The following MCMDC2 variants were observed in gnomAD, a reference collection of about 807,000 sequenced individuals.
MCMDC2 encodes the protein minichromosome maintenance domain containing 2, also known as minichromosome maintenance domain-containing protein 2.
A neutral mutation model predicts 75.8 loss-of-function variants in MCMDC2; 54 were observed. The observed-to-expected ratio is 0.71, with a 90% CI of 0.57 to 0.89. MCMDC2 has a LOEUF of 0.89. Ranked by LOEUF, MCMDC2 falls within the 40% of genes least tolerant of loss-of-function variation. MCMDC2 has a pLI of 0.00. For missense variants in MCMDC2, 656 were observed against 780.4 expected (o/e 0.84, Z 1.90); for synonymous variants, 249 against 274.6 (o/e 0.91, Z 0.92).
At chr8:66,898,500 T>C (rs1260595728) in intron 12 of MCMDC2, among the ~76,000 whole-genome samples, 4 of 151,712 alleles carry the variant, frequency 2.6e-5, no homozygotes, top group Non-Finnish European at 5.9e-5. Flanking sequence ...GGCGCATGCC[T>C]GTAATCCCAG....
chr8:66,894,946 C>G (rs1484880133), intron 10 of MCMDC2, among the ~76,000 whole-genome samples: 1 of 152,230 alleles, frequency 6.6e-6, no homozygotes, highest in Non-Finnish European at 1.5e-5. Context: ...CTGGCAAACA[C>G]TATTTGCTTT....
intron 12 of MCMDC2, among the ~76,000 whole-genome samples, chr8:66,897,842 C>G (rs1400796208): frequency 6.6e-6 from 1 of 152,124 alleles, no homozygotes; most frequent in Non-Finnish European, 1.5e-5. Context: ...CAACTGAAAC[C>G]TTTTTAACTA....
intron 10 of MCMDC2, among the ~76,000 whole-genome samples, chr8:66,894,680 A>T (rs1156805400): frequency 6.6e-6 from 1 of 152,242 alleles, no homozygotes; most frequent in African/African-American, 2.4e-5. Flanking sequence ...ATTTATGTCA[A>T]TATAAAATTT....
At chr8:66,897,636 T>C (rs1812423285) in intron 12 of MCMDC2, among the ~76,000 whole-genome samples, 1 of 152,210 alleles carries the variant, frequency 6.6e-6, no homozygotes, top group Admixed American at 6.5e-5. Flanking sequence ...CATTTTACTG[T>C]CTATTCAAAG....
chr8:66,879,767 C>A (rs1309655765), intron 7 of MCMDC2, among the ~76,000 whole-genome samples: 3 of 152,094 alleles, frequency 2.0e-5, no homozygotes, highest in African/African-American at 7.2e-5. Context: ...ATATTAGGAC[C>A]TAATGTGTCC....
At chr8:66,880,282 A>C (rs1811497299) in intron 7 of MCMDC2, among the ~76,000 whole-genome samples, 1 of 152,196 alleles carries the variant, frequency 6.6e-6, no homozygotes, top group South Asian at 2.1e-4. Flanking sequence ...TAATCCCAAC[A>C]CTTTAGGAGG....
Position 66,880,905 on chromosome 8 carries a change from A to T in MCMDC2, c.766A>T (p.Thr256Ser), listed in dbSNP as rs760279097. Residue 256 changes from threonine to serine, a missense_variant, in exon 8 of 15, where the codon ACC becomes TCC. Coordinates refer to ENST00000422365, the MANE Select transcript of MCMDC2 (RefSeq NM_173518.5). ...TGAATATAAAATTATTGGAATTCCA[A>T]CCTGTGTAAAAACCTCACAAACTGC... The part of the protein sequence containing the change: ...GNEYKIIGIP[T>S]CVKTSQTAVC... The T allele has an allele frequency of 4.5e-6, 7 of 1,570,522 alleles. No homozygotes were observed. In the East Asian group the frequency reaches 1.2e-4, roughly 26 times the overall value.
intron 10 of MCMDC2, among the ~76,000 whole-genome samples, chr8:66,894,693 A>G (rs1449580219): frequency 1.3e-5 from 2 of 152,180 alleles, no homozygotes; most frequent in African/African-American, 4.8e-5. Flanking sequence ...TAAAATTTTA[A>G]TTTTTCTTTA....
chr8:66,922,448 T>C (rs752349743), downstream of MCMDC2: 1 of 514,550 alleles, frequency 1.9e-6, no homozygotes, highest in Non-Finnish European at 3.9e-6. Flanking sequence ...TACATGTCAG[T>C]AATTAATCAA....
At chr8:66,876,578 A>G (rs900741589) in intron 4 of MCMDC2, among the ~76,000 whole-genome samples, 4 of 152,008 alleles carry the variant, frequency 2.6e-5, no homozygotes, top group African/African-American at 4.8e-5. Context: ...CCCCAAGTCC[A>G]TCTGCTATAT....
intron 12 of MCMDC2, among the ~76,000 whole-genome samples, chr8:66,899,531 C>T (rs1812531173): frequency 1.3e-5 from 2 of 152,050 alleles, no homozygotes; most frequent in African/African-American, 2.4e-5. Context: ...TTCTCTCGCT[C>T]TGTTACCAGG....
intron 14 of MCMDC2, among the ~76,000 whole-genome samples, chr8:66,918,054 C>CT (rs970763527): frequency 6.6e-6 from 1 of 152,012 alleles, no homozygotes; most frequent in African/African-American, 2.4e-5. Flanking sequence ...CACATCCTCT[C>CT]TAACACTTGT....
At chr8:66,918,979 C>T (rs117270636) in intron 14 of MCMDC2, 24 bp from the exon 15 acceptor site, 15,346 of 1,426,516 alleles carry the variant, frequency 0.011, 95 homozygotes, top group Non-Finnish European at 0.012. Flanking sequence ...TTGTCATTTA[C>T]ACTCTATTAT....
chr8:66,880,785 C>T, intron 7 of MCMDC2, 64 bp from the exon 8 acceptor site: 1 of 1,359,380 alleles, frequency 7.4e-7, no homozygotes. Context: ...ATCTTTGAAC[C>T]ATATGTTCAT....
In MCMDC2 at chr8:66,877,586, T is replaced by C. The variant is rs764765364; in HGVS notation, c.481+42T>C. ...AAAATCAAAGCATTAAGCAATTGGC[T>C]AGGCATGGTGGCTCACACCTGTAAT... On this transcript the variant is annotated intron_variant, in intron 5 of 14. Coordinates refer to ENST00000422365, the MANE Select transcript of MCMDC2 (RefSeq NM_173518.5). 6.9e-6 allele frequency: 10 copies of C among 1,454,196 alleles called. No homozygotes were observed. In the African/African-American group the frequency reaches 1.0e-4, roughly 15 times the overall value. The allele number at this position is 1,454,196 out of a possible 1,614,324, so 90.1% of individuals were successfully genotyped here.
chr8:66,898,610 G>A (rs1453553864), intron 12 of MCMDC2, among the ~76,000 whole-genome samples: 2 of 132,456 alleles, frequency 1.5e-5, no homozygotes, highest in Non-Finnish European at 3.1e-5. Context: ...GGCGACAAGA[G>A]CAAAACTCCG....
chr8:66,893,657 C>T (rs1482915617), intron 10 of MCMDC2, among the ~76,000 whole-genome samples: 1 of 152,156 alleles, frequency 6.6e-6, no homozygotes, highest in Non-Finnish European at 1.5e-5. Context: ...CCACCAGGCC[C>T]CTCCCACAAC....
At chr8:66,874,941 A>C (rs879930781) in intron 4 of MCMDC2, among the ~76,000 whole-genome samples, 1 of 151,948 alleles carries the variant, frequency 6.6e-6, no homozygotes, top group Admixed American at 6.6e-5. Flanking sequence ...TTTTTAGTAG[A>C]GACAGGGTTT....
downstream of MCMDC2, chr8:66,926,250 C>T (rs535643211): frequency 6.6e-6 from 1 of 152,220 alleles, no homozygotes; most frequent in Non-Finnish European, 1.5e-5. Flanking sequence ...CTTATTACTT[C>T]TGTTTTTCTC....
Sources: allele counts gnomAD v4.1 joint callset (sites outside exome capture counted in the v4.1 genomes callset), GRCh38; gene constraint gnomAD v4.1.1; transcripts MANE v1.5; gene names NCBI Gene and HGNC (gene_info 2026-07-23, HGNC 2026-07-21).